The following CACNA1H variants were observed in gnomAD, a reference collection of about 807,000 sequenced individuals.
CACNA1H encodes calcium voltage-gated channel subunit alpha1 H, also known as voltage-dependent T-type calcium channel subunit alpha-1H.
CACNA1H carries 149 observed loss-of-function variants against 192.5 expected under a neutral mutation model. The ratio of observed to expected loss-of-function variants is 0.77; its 90% CI spans 0.68 to 0.89. The LOEUF (loss-of-function observed/expected upper bound fraction) is 0.89, where lower values mean the gene tolerates loss of function less well. CACNA1H is among the 40% of genes least tolerant of loss of function. The probability of loss-of-function intolerance (pLI) is 0.00; values close to 1 mark genes in which losing one functional copy is unlikely to be tolerated. For synonymous variants in CACNA1H, 2,202 were observed against 1,475.2 expected (o/e 1.49, Z -11.29); for missense variants, 4,257 against 3,423.5 (o/e 1.24, Z -6.08).
intron 27 of CACNA1H, 79 bp downstream of exon 27, chr16:1,214,010 G>A: frequency 3.2e-6 from 4 of 1,257,470 alleles, no homozygotes; most frequent in Non-Finnish European, 4.5e-6. Context: ...GCACAACCCT[G>A]GACCGGCGCT....
intron 2 of CACNA1H, among the ~76,000 whole-genome samples, chr16:1,184,688 G>T (rs1369931229): frequency 6.6e-6 from 1 of 152,222 alleles, no homozygotes; most frequent in African/African-American, 2.4e-5. Context: ...AGCGAGAGTG[G>T]AGGCCACGTG....
At chr16:1,206,619 C>A (rs928009731) in intron 12 of CACNA1H, 2 of 432,722 alleles carry the variant, frequency 4.6e-6, no homozygotes, top group Non-Finnish European at 4.2e-6. Flanking sequence ...GCTGTGTGCC[C>A]GTCTAGCCTG....
chr16:1,195,150 GT>G, intron 3 of CACNA1H, 67 bp downstream of exon 3: 1 of 1,124,960 alleles, frequency 8.9e-7, no homozygotes, highest in East Asian at 2.4e-5. Flanking sequence ...TCAAGGCGGA[GT>G]GGGGCGGGGG....
intron 31 of CACNA1H, 80 bp from the exon 32 acceptor site, chr16:1,217,839 G>A: frequency 6.7e-7 from 1 of 1,489,562 alleles, no homozygotes; most frequent in Non-Finnish European, 9.0e-7. Flanking sequence ...GCTCCCCAAG[G>A]GGCATGTGGA....
chr16:1,183,383 C>A (rs555981252), intron 2 of CACNA1H, among the ~76,000 whole-genome samples: 13 of 152,192 alleles, frequency 8.5e-5, no homozygotes, highest in Admixed American at 7.2e-4. Flanking sequence ...CCGCCCTCAG[C>A]GTGGAGCCGG....
At position 1,210,181 on chromosome 16, in the gene CACNA1H, G is replaced by A. The variant is rs1318291165; in HGVS notation, c.3845+46G>A. On this transcript the variant is annotated intron_variant, in intron 18 of 34. Coordinates refer to ENST00000348261, the MANE Select transcript of CACNA1H (RefSeq NM_021098.3). ...GGCTGCATGGCTAGTTCCACCCCAC[G>A]GGACCCCCGCCCCCAGGTCCCTCCT... The A allele has an allele frequency of 4.3e-5, 63 of 1,469,110 alleles. 1 individual carries two copies. Among genetic ancestry groups the A allele is most frequent in the Admixed American group, 2.8e-4 (14 of 49,592 alleles). The allele number at this position is 1,469,110 out of a possible 1,614,324, so 91.0% of individuals were successfully genotyped here. A position where few individuals can be genotyped will look rare whatever the true frequency, so the allele number is the denominator to read the frequency against.
At chr16:1,170,896 T>C (rs1964301013) in intron 2 of CACNA1H, among the ~76,000 whole-genome samples, 1 of 152,298 alleles carries the variant, frequency 6.6e-6, no homozygotes, top group Non-Finnish European at 1.5e-5. Flanking sequence ...CCCCGCATTG[T>C]CTGCTTGGCT....
At position 1,171,587 on chromosome 16, in the gene CACNA1H, C is replaced by T. The variant is rs545482376; in HGVS notation, c.299+17551C>T. Among the ~76,000 whole-genome samples the T allele has an allele frequency of 2.2e-3, 336 of 152,324 alleles. 3 individuals carry two copies. The highest frequency in any genetic ancestry group is 6.5e-3 in the Admixed American group (100 of 15,314). ...CTTGGCTGCCGCAGAAAACCAGAGG[C>T]GCCTCAGGCGGCTTTTGTCCCTCGG... On this transcript the variant is annotated intron_variant, in intron 2 of 34. Coordinates refer to ENST00000348261, the MANE Select transcript of CACNA1H (RefSeq NM_021098.3).
rs1969416393 is a variant in CACNA1H at position 1,211,302 on chromosome 16, G to A, written c.4350+8G>A. 2 of 1,612,754 alleles carry A rather than the reference G, an allele frequency of 1.2e-6. No individual in the cohort carries two copies. The highest frequency in any genetic ancestry group is 8.5e-7 in the Non-Finnish European group (1 of 1,179,606). The stretch of plus-strand genomic sequence containing the variant: ...GGCATTTTGGGTGTGCAGGTGTGTG[G>A]CCCCCACGTGCCCGGGGGTCTGCCC... On this transcript the variant is annotated splice_region_variant and intron_variant, in intron 22 of 34. Transcript: ENST00000348261.
rs1967309388 is a variant in CACNA1H, at chr16:1,198,754, C to T, written c.783C>T (p.Phe261=). 1.2e-6 allele frequency: 2 copies of T among 1,612,088 alleles called. No homozygotes were observed. Among genetic ancestry groups the T allele is most frequent in the Non-Finnish European group, 1.7e-6 (2 of 1,179,386 alleles). The part of the protein sequence containing the change: ...LWAGLLRNRC[F]LDSAFVRNNN... The stretch of plus-strand genomic sequence containing the variant: ...CTGGCCTCCTGCGGAACCGCTGCTT[C>T]CTGGACAGTGCCTTTGTCAGGTGCC... The change falls in exon 6 of 35, where the codon TTC becomes TTT. Residue 261 remains phenylalanine, a synonymous_variant. Transcript: ENST00000348261.
chr16:1,204,640 C>A (rs1968432492), intron 10 of CACNA1H, among the ~76,000 whole-genome samples, 182 bp downstream of exon 10: 1 of 152,204 alleles, frequency 6.6e-6, no homozygotes, highest in Non-Finnish European at 1.5e-5. Flanking sequence ...TGGAGGGGAT[C>A]TCCTTGGATT....
chr16:1,182,808 C>T (rs1247636802), intron 2 of CACNA1H, among the ~76,000 whole-genome samples: 6 of 152,094 alleles, frequency 3.9e-5, no homozygotes, highest in Non-Finnish European at 8.8e-5. Context: ...CACCCTGGCC[C>T]TCCTCTGACG....
chr16:1,161,051 G>A (rs1963136122), intron 2 of CACNA1H, among the ~76,000 whole-genome samples: 1 of 152,158 alleles, frequency 6.6e-6, no homozygotes, highest in Admixed American at 6.5e-5. Context: ...GACCCCCAAG[G>A]TGTGTAGACC....
intron 2 of CACNA1H, among the ~76,000 whole-genome samples, chr16:1,189,712 C>T (rs771072047): frequency 9.9e-5 from 15 of 152,134 alleles, no homozygotes; most frequent in African/African-American, 2.2e-4. Context: ...TGTGAACCAC[C>T]GGGCCCAGCC....
intron 2 of CACNA1H, among the ~76,000 whole-genome samples, chr16:1,181,967 C>G (rs943985981): frequency 6.6e-6 from 1 of 152,234 alleles, no homozygotes; most frequent in Non-Finnish European, 1.5e-5. Context: ...CGCATGCCCC[C>G]TCGCACACGC....
intron 9 of CACNA1H, 84 bp downstream of exon 9, chr16:1,202,536 C>T: frequency 4.2e-6 from 5 of 1,185,632 alleles, no homozygotes; most frequent in Admixed American, 2.9e-5. Flanking sequence ...TTCCCACACC[C>T]ATTGTGGGCA....
chr16:1,169,250 A>G (rs1037858925), intron 2 of CACNA1H, among the ~76,000 whole-genome samples: 19 of 151,970 alleles, frequency 1.3e-4, no homozygotes, highest in African/African-American at 3.9e-4. Context: ...CTTTGCCGCT[A>G]TGTTCACTGT....
intron 26 of CACNA1H, 25 bp downstream of exon 26, chr16:1,212,553 C>T: frequency 6.2e-7 from 1 of 1,607,206 alleles, no homozygotes; most frequent in Non-Finnish European, 8.5e-7. Context: ...CCGCATGCCT[C>T]AGGCCCCGCT....
chr16:1,208,415 G>A (rs1969015522), intron 16 of CACNA1H, among the ~76,000 whole-genome samples, 194 bp downstream of exon 16: 2 of 152,194 alleles, frequency 1.3e-5, no homozygotes, highest in African/African-American at 2.4e-5. Flanking sequence ...AGGCCGGTGT[G>A]AAGGGGCAGA....
Sources: allele counts gnomAD v4.1 joint callset (sites outside exome capture counted in the v4.1 genomes callset), GRCh38; gene constraint gnomAD v4.1.1; transcripts MANE v1.5; gene names NCBI Gene and HGNC (gene_info 2026-07-23, HGNC 2026-07-21).